The following PCDHA4 variants were observed in gnomAD, a reference collection of about 807,000 sequenced individuals.
The protein encoded by PCDHA4 is protocadherin alpha-4.
A neutral mutation model predicts 61.4 loss-of-function variants in PCDHA4; 49 were observed. That is an observed-to-expected ratio of 0.80 (90% CI 0.63 to 1.01). PCDHA4 has a LOEUF of 1.01. PCDHA4 is among the 50% of genes least tolerant of loss of function. The probability of loss-of-function intolerance (pLI) is 0.00; values close to 1 mark genes in which losing one functional copy is unlikely to be tolerated. For synonymous variants in PCDHA4, 590 were observed against 550.3 expected, an observed-to-expected ratio of 1.07 and a Z score of -1.01; for missense variants, 1,254 against 1,235.8, an observed-to-expected ratio of 1.01 and a Z score of -0.22.
chr5:140,941,281 C>A (rs12652617), intron 1 of PCDHA4, among the ~76,000 whole-genome samples: 1 of 69,002 alleles, frequency 1.4e-5, no homozygotes, highest in Non-Finnish European at 3.2e-5. Context: ...TTCCTTCCTT[C>A]CTTTCTCTTT....
intron 1 of PCDHA4, chr5:140,869,435 A>G (rs1554163053): frequency 6.2e-7 from 1 of 1,614,208 alleles, no homozygotes; most frequent in Admixed American, 1.7e-5. Context: ...GTGATCGTGG[A>G]CAGGCCGCTG....
intron 1 of PCDHA4, among the ~76,000 whole-genome samples, chr5:140,889,361 T>C (rs1005398759): frequency 2.0e-5 from 3 of 152,106 alleles, no homozygotes; most frequent in Non-Finnish European, 4.4e-5. Context: ...GATTACTGAC[T>C]CAATTTTAAT....
chr5:140,916,303 A>G (rs2077518127), intron 1 of PCDHA4, among the ~76,000 whole-genome samples: 1 of 152,176 alleles, frequency 6.6e-6, no homozygotes, highest in Admixed American at 6.5e-5. Context: ...ACTGGTACCA[A>G]AGGTGCAAGA....
At position 140,829,914 on chromosome 5, in the gene PCDHA4, C is replaced by G. The variant is rs2150177647; in HGVS notation, c.2385+20342C>G. ...GACTCAGGCTACAACGCGTGGCTTT[C>G]GTATGAGCTGCAGCCCCCGGCAAGC... On this transcript the variant is annotated intron_variant, in intron 1 of 3. Coordinates refer to ENST00000530339, the MANE Select transcript of PCDHA4 (RefSeq NM_018907.4). The G allele has an allele frequency of 6.2e-7, 1 of 1,613,998 alleles. No homozygotes were observed.
At chr5:140,869,323 C>T in intron 1 of PCDHA4, 1 of 1,613,864 alleles carries the variant, frequency 6.2e-7, no homozygotes, top group South Asian at 1.1e-5. Flanking sequence ...ACATGGGGAC[C>T]TTCTGGAGGT....
At chr5:140,876,868 G>A in intron 1 of PCDHA4, 7 of 1,614,160 alleles carry the variant, frequency 4.3e-6, no homozygotes, top group Non-Finnish European at 5.9e-6. Context: ...GTTCGTGAAG[G>A]AGAACAACCC....
intron 1 of PCDHA4, among the ~76,000 whole-genome samples, chr5:140,978,417 A>G (rs2096800848): frequency 6.6e-6 from 1 of 152,158 alleles, no homozygotes. Context: ...CAGAAAAGAG[A>G]CTGTTATCAG....
intron 1 of PCDHA4, chr5:140,884,367 T>G (rs2060126363): frequency 1.2e-6 from 2 of 1,613,928 alleles, no homozygotes; most frequent in Middle Eastern, 3.3e-4. Context: ...AATGTTTACT[T>G]GATCATTGCC....
intron 1 of PCDHA4, among the ~76,000 whole-genome samples, chr5:140,838,604 C>G (rs1335900872): frequency 6.6e-6 from 1 of 151,900 alleles, no homozygotes; most frequent in Non-Finnish European, 1.5e-5. Context: ...ATTGTCTAGA[C>G]TTTTAAAAAT....
intron 1 of PCDHA4, among the ~76,000 whole-genome samples, chr5:140,924,692 C>T (rs1421659285): frequency 2.0e-5 from 3 of 151,910 alleles, no homozygotes; most frequent in Admixed American, 6.6e-5. Flanking sequence ...GTCAGGAGTT[C>T]GAGACCAGCT....
chr5:140,969,585 T>A (rs2096344806), intron 1 of PCDHA4: 1 of 896,450 alleles, frequency 1.1e-6, no homozygotes, highest in Admixed American at 3.0e-5. Flanking sequence ...TGAGGATTAG[T>A]CTTAATATTT....
chr5:140,813,572 G>A (rs1306655317), intron 1 of PCDHA4: 1 of 152,194 alleles, frequency 6.6e-6, no homozygotes, highest in Non-Finnish European at 1.5e-5. Flanking sequence ...GGAGACTGCG[G>A]GGCTGGAAAT....
intron 1 of PCDHA4, chr5:140,841,865 G>C: frequency 1.2e-6 from 2 of 1,613,856 alleles, no homozygotes; most frequent in Non-Finnish European, 1.7e-6. Flanking sequence ...CATGCTAGAT[G>C]TGAATTCAAA....
intron 1 of PCDHA4, among the ~76,000 whole-genome samples, chr5:140,891,372 G>A (rs1256551608): frequency 1.3e-5 from 2 of 151,962 alleles, no homozygotes; most frequent in Non-Finnish European, 2.9e-5. Flanking sequence ...AGTATACATT[G>A]CACCATATTT....
intron 1 of PCDHA4, among the ~76,000 whole-genome samples, chr5:140,932,800 C>A (rs1041924506): frequency 6.6e-6 from 1 of 151,684 alleles, no homozygotes; most frequent in Non-Finnish European, 1.5e-5. Context: ...AAAAGCAATA[C>A]CTTGGAAACA....
chr5:140,880,743 T>C (rs976006299), intron 1 of PCDHA4, among the ~76,000 whole-genome samples: 7 of 152,212 alleles, frequency 4.6e-5, no homozygotes, highest in African/African-American at 1.7e-4. Flanking sequence ...AAATGGATTG[T>C]CAGTGTAACT....
At chr5:140,841,572 T>C (rs1562389584) in intron 1 of PCDHA4, 4 of 1,613,982 alleles carry the variant, frequency 2.5e-6, no homozygotes, top group Middle Eastern at 1.7e-4. Flanking sequence ...AATGGCATTT[T>C]GTTTGTGAAT....
At position 140,928,406 on chromosome 5, in the gene PCDHA4, G is replaced by T. The variant is rs782285182; in HGVS notation, c.2386-50543G>T. On this transcript the variant is annotated intron_variant, in intron 1 of 3. Coordinates refer to ENST00000530339, the MANE Select transcript of PCDHA4 (RefSeq NM_018907.4). ...TTGCTGGCAGTGGAATCATCCAGTG[G>T]GGCCATCACTGCCAAAACTTCCTTT... 3 of 1,614,050 alleles carry T rather than the reference G, an allele frequency of 1.9e-6. No individual in the cohort carries two copies. The Admixed American group carries it at 5.0e-5, about 27-fold the overall frequency.
At position 140,852,858 on chromosome 5, in the gene PCDHA4, A is replaced by G; in HGVS notation, c.2385+43286A>G. ...TAGAGCTAGTACTTACTAAGCATTT[A>G]CTATGTCATCAATAATCATAAAACG... On this transcript the variant is annotated intron_variant, in intron 1 of 3. Transcript: ENST00000530339. 4 of 962,678 alleles carry G rather than the reference A, an allele frequency of 4.2e-6. 1 individual carries two copies. The highest frequency in any genetic ancestry group is 5.0e-6 in the Non-Finnish European group (4 of 796,824). The allele number at this position is 962,678 out of a possible 1,614,324, so 59.6% of individuals were successfully genotyped here. A position where few individuals can be genotyped will look rare whatever the true frequency, so the allele number is the denominator to read the frequency against.
Sources: gnomAD v4.1 joint callset for allele counts (sites outside exome capture counted in the v4.1 genomes callset) on GRCh38, gnomAD v4.1.1 for gene constraint, MANE v1.5 for transcripts, NCBI Gene and HGNC (gene_info 2026-07-23, HGNC 2026-07-21) for gene names.